OTUD7B: variants seen among roughly 807,000 people sequenced by gnomAD.
The protein encoded by OTUD7B is OTU deubiquitinase 7B, also known as OTU domain-containing protein 7B.
OTUD7B carries 34 observed loss-of-function variants against 82.2 expected under a neutral mutation model. The observed-to-expected ratio is 0.41, with a 90% CI of 0.31 to 0.55. The LOEUF is 0.55. OTUD7B is among the 20% of genes least tolerant of loss of function. The probability of loss-of-function intolerance (pLI) is 0.20; values close to 1 mark genes in which losing one functional copy is unlikely to be tolerated. For missense variants in OTUD7B, 944 were observed against 1,062.1 expected (o/e 0.89, Z 1.55); for synonymous variants, 398 against 402.7 (o/e 0.99, Z 0.14).
At chr1:150,026,872 T>C in the OTUD7B span, among the ~76,000 whole-genome samples, 1 of 152,230 alleles carries the variant, frequency 6.6e-6, no homozygotes, top group Non-Finnish European at 1.5e-5. Flanking sequence ...CTCCGATTAC[T>C]GCTTAAGCTC....
At chr1:150,040,761 G>A in the OTUD7B span, among the ~76,000 whole-genome samples, 1 of 147,008 alleles carries the variant, frequency 6.8e-6, no homozygotes, top group African/African-American at 2.5e-5. Context: ...CCAGGCTGGA[G>A]TGCAATGGTG....
chr1:150,064,964 G>A, the OTUD7B span, among the ~76,000 whole-genome samples: 3 of 152,290 alleles, frequency 2.0e-5, no homozygotes, highest in African/African-American at 7.2e-5. Context: ...CACAAAATGG[G>A]CAGTTAAACC....
rs782638540 is a variant in OTUD7B at position 149,949,645 on chromosome 1, C to G, written c.1107G>C (p.Glu369Asp). 6.2e-7 allele frequency: 1 copy of G among 1,613,984 alleles called. No homozygotes were observed. Reference protein sequence around the residue: ...FSALVSMEQKENTKEQAVIPL... With the variant: ...FSALVSMEQKDNTKEQAVIPL... ...ATTCAGCACCTTGTTCCTTGGTATTCTCCTTCTGCTCCATGGACACGAGTG... is the reference window on the plus strand; with the variant it reads ...ATTCAGCACCTTGTTCCTTGGTATTGTCCTTCTGCTCCATGGACACGAGTG... The change falls in exon 9 of 12, where the codon GAG becomes GAC. Residue 369 changes from glutamate to aspartate, a missense_variant. By Grantham distance (45) the Glu-to-Asp change is conservative. Transcript: ENST00000581312.
chr1:150,036,573 G>C, the OTUD7B span, among the ~76,000 whole-genome samples: 2 of 152,038 alleles, frequency 1.3e-5, no homozygotes, highest in African/African-American at 4.8e-5. Flanking sequence ...TAACTTTTTT[G>C]AAGTTCAGCA....
At chr1:149,981,844 G>A (rs1444657253) in intron 1 of OTUD7B, among the ~76,000 whole-genome samples, 1 of 152,152 alleles carries the variant, frequency 6.6e-6, no homozygotes, top group Admixed American at 6.6e-5. Flanking sequence ...TATTAGTTAA[G>A]CACTTCTAAA....
intron 1 of OTUD7B, among the ~76,000 whole-genome samples, chr1:149,979,031 CAGAG>C (rs1428551012): frequency 7.1e-6 from 1 of 141,636 alleles, no homozygotes; most frequent in South Asian, 2.2e-4. Context: ...TTTTTTGAGA[CAGAG>C]AAAGATGGCA....
chr1:150,001,246 C>T (rs1418969902), intron 1 of OTUD7B, among the ~76,000 whole-genome samples: 1 of 152,128 alleles, frequency 6.6e-6, no homozygotes, highest in African/African-American at 2.4e-5. Flanking sequence ...TTCCCCTGAA[C>T]TTTTCTAAAT....
At chr1:149,993,945 C>A (rs1164665852) in intron 1 of OTUD7B, among the ~76,000 whole-genome samples, 12 of 152,162 alleles carry the variant, frequency 7.9e-5, no homozygotes, top group African/African-American at 2.9e-4. Context: ...ATGGGCAATG[C>A]TTCACAATGA....
At chr1:150,057,081 T>G in the OTUD7B span, among the ~76,000 whole-genome samples, 1 of 152,344 alleles carries the variant, frequency 6.6e-6, no homozygotes, top group South Asian at 2.1e-4. Context: ...ATCAACATTA[T>G]GTATGCCATG....
chr1:149,952,576 G>A (rs144394556), intron 7 of OTUD7B, among the ~76,000 whole-genome samples: 140 of 152,252 alleles, frequency 9.2e-4, no homozygotes, highest in African/African-American at 3.1e-3. Context: ...GTAATGGGAT[G>A]GCTACGTCAA....
At chr1:150,014,009 TAC>T (rs1235970964), upstream of OTUD7B, among the ~76,000 whole-genome samples, 15 of 130,212 alleles carry the variant, frequency 1.2e-4, no homozygotes, top group African/African-American at 2.2e-4. Context: ...CACATATATA[TAC>T]ACACACATAT....
upstream of OTUD7B, among the ~76,000 whole-genome samples, chr1:150,013,665 G>C (rs1653166614): frequency 1.3e-5 from 2 of 151,880 alleles, no homozygotes; most frequent in Admixed American, 1.3e-4. Context: ...GCTCACGCTT[G>C]TAATACCAGC....
At chr1:150,050,403 C>G in the OTUD7B span, 1 of 152,050 alleles carries the variant, frequency 6.6e-6, no homozygotes, top group Non-Finnish European at 1.5e-5. Flanking sequence ...TGGCCTAACA[C>G]ATATATATAT....
At chr1:150,054,808 C>CAAAAAAAAAAAAAAAAACAAAA in the OTUD7B span, 1 of 41,700 alleles carries the variant, frequency 2.4e-5, no homozygotes, top group Non-Finnish European at 4.1e-5. Flanking sequence ...AACTCAGTCT[C>CAAAAAAAAAAAAAAAAACAAAA]AAAAAAAAAA....
In OTUD7B at chr1:149,951,007, G is replaced by C. The variant is rs1369765200; in HGVS notation, c.846-786C>G. 1.4e-4 allele frequency among the ~76,000 whole-genome samples: 10 copies of C among 70,466 alleles called. 2 individuals are homozygous for C. Among genetic ancestry groups the C allele is most frequent in the African/African-American group, 6.2e-4 (10 of 16,172 alleles). 46.2% of individuals were successfully genotyped at this position (70,466 alleles called of 152,430 possible). A position where few individuals can be genotyped will look rare whatever the true frequency, so the allele number is the denominator to read the frequency against. Reference sequence around the variant, plus strand: ...TTTTTTTTTTTTTTTTTTGTAGATGGAGTCTCACTCTTTCGCCCAGACTGG... The same window carrying C: ...TTTTTTTTTTTTTTTTTTGTAGATGCAGTCTCACTCTTTCGCCCAGACTGG... On this transcript the variant is annotated intron_variant, in intron 7 of 11. Transcript: ENST00000581312.
At chr1:149,960,957 C>T (rs1395038796) in intron 6 of OTUD7B, 3 of 105,462 alleles carry the variant, frequency 2.8e-5, no homozygotes, top group Non-Finnish European at 5.3e-5. Context: ...GACAGAGTCT[C>T]ACTCTGTCGC....
At chr1:150,003,866 A>G (rs961483187) in intron 1 of OTUD7B, among the ~76,000 whole-genome samples, 2 of 152,092 alleles carry the variant, frequency 1.3e-5, no homozygotes, top group Admixed American at 6.5e-5. Flanking sequence ...ACCTACCCCC[A>G]TCTTTACTCC....
chr1:149,951,390 C>T lies in OTUD7B; in HGVS notation c.846-1169G>A, dbSNP rs1413244657. ...AAGTGCTGGGATTACAGGTGTGAGC[C>T]ACTACGCCTGGCCTTCCTGTGTGTT... On this transcript the variant is annotated intron_variant, in intron 7 of 11. Transcript: ENST00000581312. Among the ~76,000 whole-genome samples the T allele has an allele frequency of 2.0e-5, 3 of 152,128 alleles. No individual in the cohort carries two copies. The East Asian group carries it at 5.8e-4, about 29-fold the overall frequency.
chr1:149,947,151 A>C (rs1391311854), intron 11 of OTUD7B, 100 bp downstream of exon 11: 1 of 674,388 alleles, frequency 1.5e-6, no homozygotes, highest in African/African-American at 1.8e-5. Context: ...GTAAGCCACC[A>C]CTCAGAATAG....
Sources: gnomAD v4.1 joint callset for allele counts (sites outside exome capture counted in the v4.1 genomes callset) on GRCh38, gnomAD v4.1.1 for gene constraint, MANE v1.5 for transcripts, NCBI Gene and HGNC (gene_info 2026-07-23, HGNC 2026-07-21) for gene names.